ACYP2: variants seen among roughly 807,000 people sequenced by gnomAD.
ACYP2 encodes acylphosphatase 2.
In ACYP2, 12 loss-of-function variants were observed where a neutral mutation model predicts 11.2. That is an observed-to-expected ratio of 1.08 (90% CI 0.69 to 1.74). The LOEUF (loss-of-function observed/expected upper bound fraction) is 1.74, where lower values mean the gene tolerates loss of function less well. Among genes scored for constraint, ACYP2 ranks in the 40% most tolerant of loss-of-function variants. The probability of loss-of-function intolerance (pLI) is 0.00; values close to 1 mark genes in which losing one functional copy is unlikely to be tolerated. For synonymous variants in ACYP2, 43 were observed against 32.2 expected (o/e 1.33, Z -1.13); for missense variants, 134 against 101.9 (o/e 1.31, Z -1.35).
chr2:54,032,075 T>C (rs926349959), intron 2 of ACYP2, among the ~76,000 whole-genome samples: 1 of 152,208 alleles, frequency 6.6e-6, no homozygotes, highest in South Asian at 2.1e-4. Flanking sequence ...ATTTTGTAGG[T>C]TGCCTGTTCA....
intron 2 of ACYP2, among the ~76,000 whole-genome samples, chr2:53,985,632 A>G (rs1308067399): frequency 6.6e-6 from 1 of 152,196 alleles, no homozygotes; most frequent in African/African-American, 2.4e-5. Context: ...TGTTTGCACA[A>G]TGAAATACCA....
At chr2:54,163,954 G>C (rs1175205817) in intron 6 of ACYP2, among the ~76,000 whole-genome samples, 4 of 152,176 alleles carry the variant, frequency 2.6e-5, no homozygotes, top group Non-Finnish European at 5.9e-5. Flanking sequence ...AAAGGATAAA[G>C]TCCTTGACCT....
chr2:54,046,235 G>A (rs542539441), intron 2 of ACYP2, among the ~76,000 whole-genome samples: 2 of 151,580 alleles, frequency 1.3e-5, no homozygotes, highest in Non-Finnish European at 2.9e-5. Context: ...CAGCAATTTG[G>A]GGGGAGGCTG....
At position 54,003,336 on chromosome 2, in the gene ACYP2, C is replaced by T. The variant is rs926165889; in HGVS notation, c.62+29526C>T. Among the ~76,000 whole-genome samples, 44 of 151,736 alleles carry T rather than the reference C, an allele frequency of 2.9e-4. 1 individual carries two copies. Among genetic ancestry groups the T allele is most frequent in the East Asian group, 2.0e-4 (1 of 5,118 alleles). Reference sequence around the variant, plus strand: ...GTGCAATGGCGTGATCTTGGCTCACCGCAACCTCCGCCTCCCAAGTTCAAG... The same window carrying T: ...GTGCAATGGCGTGATCTTGGCTCACTGCAACCTCCGCCTCCCAAGTTCAAG... On this transcript the variant is annotated intron_variant, in intron 2 of 6. Coordinates refer to ENST00000607452, the MANE Select transcript of ACYP2 (RefSeq NM_001320586.2).
At chr2:54,237,400 G>A (rs1686533362) in intron 6 of ACYP2, among the ~76,000 whole-genome samples, 1 of 152,028 alleles carries the variant, frequency 6.6e-6, no homozygotes, top group African/African-American at 2.4e-5. Flanking sequence ...CTGCATCTTT[G>A]AGCTTCCATC....
chr2:53,996,035 G>A (rs1042529577), intron 2 of ACYP2, among the ~76,000 whole-genome samples: 6 of 152,008 alleles, frequency 3.9e-5, no homozygotes, highest in Non-Finnish European at 7.4e-5. Flanking sequence ...ATGGGAGGCT[G>A]AGGCAGGAGA....
chr2:54,062,634 T>C (rs1288013143), intron 4 of ACYP2, among the ~76,000 whole-genome samples: 1 of 152,264 alleles, frequency 6.6e-6, no homozygotes, highest in East Asian at 1.9e-4. Context: ...AACTGGAATG[T>C]CTGCTGTGCA....
intron 6 of ACYP2, among the ~76,000 whole-genome samples, chr2:54,210,227 TATA>T (rs1685277274): frequency 4.0e-5 from 6 of 151,658 alleles, no homozygotes; most frequent in Non-Finnish European, 7.4e-5. Context: ...AAAACTAATG[TATA>T]TCATAAAGCA....
intron 4 of ACYP2, among the ~76,000 whole-genome samples, chr2:54,110,527 C>CT (rs1272394601): frequency 6.6e-6 from 1 of 152,084 alleles, no homozygotes; most frequent in East Asian, 1.9e-4. Flanking sequence ...AAAAACAGGA[C>CT]TTTTATCTCT....
intron 6 of ACYP2, among the ~76,000 whole-genome samples, chr2:54,201,676 TTCTTTCTCTCTCTC>T (rs1684830752): frequency 9.2e-6 from 1 of 108,740 alleles, no homozygotes; most frequent in African/African-American, 3.6e-5. Context: ...CTTTCTTTCT[TTCTTTCTCTCTCTC>T]TCTCTCTCTT....
chr2:54,092,381 G>A (rs575628334), intron 4 of ACYP2, among the ~76,000 whole-genome samples: 3 of 152,322 alleles, frequency 2.0e-5, no homozygotes, highest in Admixed American at 6.5e-5. Flanking sequence ...CCGCTGATCC[G>A]TAGGAGCAGC....
intron 2 of ACYP2, among the ~76,000 whole-genome samples, chr2:53,990,673 AAAAAG>A (rs1558456653): frequency 6.6e-6 from 1 of 150,514 alleles, no homozygotes; most frequent in Non-Finnish European, 1.5e-5. Flanking sequence ...AAAAAGAAAA[AAAAAG>A]AAAAAGAATC....
chr2:54,290,981 C>T (rs1008645154), intron 6 of ACYP2, among the ~76,000 whole-genome samples: 4 of 152,136 alleles, frequency 2.6e-5, no homozygotes, highest in African/African-American at 9.7e-5. Flanking sequence ...TGCTCTCTCT[C>T]CTCTCCTTCA....
At chr2:54,117,855 T>C (rs1281599447) in intron 4 of ACYP2, among the ~76,000 whole-genome samples, 1 of 152,210 alleles carries the variant, frequency 6.6e-6, no homozygotes, top group Non-Finnish European at 1.5e-5. Flanking sequence ...TCTGAGATTT[T>C]GGTGCATCCA....
chr2:54,182,228 T>A (rs1683773596), intron 6 of ACYP2, among the ~76,000 whole-genome samples: 1 of 151,772 alleles, frequency 6.6e-6, no homozygotes, highest in South Asian at 2.1e-4. Context: ...TCAGTCTAAT[T>A]TTTGTATTTT....
chr2:54,138,739 T>G lies in ACYP2; in HGVS notation c.395T>G (p.Val132Gly). 18 of 1,612,222 alleles carry G rather than the reference T, an allele frequency of 1.1e-5. No homozygotes were observed. The highest frequency in any genetic ancestry group is 1.5e-5 in the Non-Finnish European group (18 of 1,179,332). The change falls in exon 6 of 7, where the codon GTC (valine) becomes GGC (glycine). Residue 132 changes from valine to glycine, a missense_variant. Physicochemically the swap from Val to Gly is moderately radical, Grantham distance 109 (BLOSUM62 -3). Transcript: ENST00000607452. ...CAAGTGCAGGGGCCAGAAGACAAAGTCAATTCCATGTGAGTAGTAAAATTA... is the reference window on the plus strand; with the variant it reads ...CAAGTGCAGGGGCCAGAAGACAAAGGCAATTCCATGTGAGTAGTAAAATTA...
chr2:54,080,092 C>A, intron 4 of ACYP2: 2 of 209,420 alleles, frequency 9.6e-6, no homozygotes, highest in South Asian at 1.8e-4. Flanking sequence ...TGGCACAACT[C>A]ACACCATAAT....
At chr2:54,170,581 A>T (rs79632763) in intron 6 of ACYP2, among the ~76,000 whole-genome samples, 1,616 of 66,516 alleles carry the variant, frequency 0.024, 16 homozygotes, top group African/African-American at 0.058. Context: ...TTTTTTTTTT[A>T]AAATCACAGA....
At chr2:54,115,278 C>T (rs549308996) in intron 4 of ACYP2, 20 of 429,312 alleles carry the variant, frequency 4.7e-5, no homozygotes, top group Non-Finnish European at 6.6e-5. Flanking sequence ...TCACCTTGTA[C>T]ACCACAAATA....
Sources: allele counts gnomAD v4.1 joint callset (sites outside exome capture counted in the v4.1 genomes callset), GRCh38; gene constraint gnomAD v4.1.1; transcripts MANE v1.5; gene names NCBI Gene and HGNC (gene_info 2026-07-23, HGNC 2026-07-21).